Variants in PRKG1 observed in about 807,000 individuals in gnomAD.
PRKG1 encodes the protein cGMP-dependent protein kinase 1.
Under a neutral mutation model 88.1 loss-of-function variants are expected in PRKG1, and 35 were observed. The ratio of observed to expected loss-of-function variants is 0.40; its 90% CI spans 0.30 to 0.53. The LOEUF (loss-of-function observed/expected upper bound fraction) is 0.53. PRKG1 is among the 20% of genes least tolerant of loss of function. The probability of loss-of-function intolerance (pLI) is 0.59; values close to 1 mark genes in which losing one functional copy is unlikely to be tolerated. For missense variants in PRKG1, 540 were observed against 839.8 expected (o/e 0.64, Z 4.41); for synonymous variants, 303 against 292.5 (o/e 1.04, Z -0.37).
At chr10:52,293,030 A>G (rs996184068) in intron 17 of PRKG1, among the ~76,000 whole-genome samples, 32 of 152,082 alleles carry the variant, frequency 2.1e-4, no homozygotes, top group Admixed American at 5.9e-4. Context: ...TCAGCCCAAA[A>G]TCTCCTTAAG....
At chr10:52,141,823 A>G (rs1007929517) in intron 8 of PRKG1, among the ~76,000 whole-genome samples, 1 of 152,190 alleles carries the variant, frequency 6.6e-6, no homozygotes, top group African/African-American at 2.4e-5. Flanking sequence ...AAAAGGGAAC[A>G]TACAAACCAG....
At chr10:51,830,399 A>G (rs1839973624) in intron 4 of PRKG1, among the ~76,000 whole-genome samples, 2 of 152,118 alleles carry the variant, frequency 1.3e-5, no homozygotes, top group African/African-American at 4.8e-5. Flanking sequence ...CTTTAATTAT[A>G]TATGGTGTTC....
At chr10:51,659,806 A>T (rs1840250409) in intron 3 of PRKG1, among the ~76,000 whole-genome samples, 1 of 152,084 alleles carries the variant, frequency 6.6e-6, no homozygotes, top group African/African-American at 2.4e-5. Context: ...CCTGAATCCT[A>T]AGCTTTGTTA....
At chr10:51,049,057 T>A (rs1843526749) in intron 1 of PRKG1, among the ~76,000 whole-genome samples, 1 of 152,028 alleles carries the variant, frequency 6.6e-6, no homozygotes, top group African/African-American at 2.4e-5. Context: ...TCTGTGTAGA[T>A]GCATGCTGCC....
intron 3 of PRKG1, among the ~76,000 whole-genome samples, chr10:51,780,105 A>G (rs1838547351): frequency 6.6e-6 from 1 of 152,114 alleles, no homozygotes; most frequent in Non-Finnish European, 1.5e-5. Context: ...AGAAAAACTT[A>G]CCGCGTAATC....
chr10:52,293,449 G>T (rs150761684), intron 17 of PRKG1, among the ~76,000 whole-genome samples: 1 of 152,020 alleles, frequency 6.6e-6, no homozygotes, highest in Non-Finnish European at 1.5e-5. Flanking sequence ...AGCCTGCATC[G>T]CCAAGTCAAT....
At chr10:51,670,561 C>T (rs1367574985) in intron 3 of PRKG1, among the ~76,000 whole-genome samples, 1 of 149,042 alleles carries the variant, frequency 6.7e-6, no homozygotes, top group African/African-American at 2.4e-5. Flanking sequence ...ACGGTGAAAC[C>T]CCGTCTCTAC....
At chr10:51,797,129 G>A (rs909388442) in intron 3 of PRKG1, among the ~76,000 whole-genome samples, 1 of 151,168 alleles carries the variant, frequency 6.6e-6, no homozygotes, top group Non-Finnish European at 1.5e-5. Flanking sequence ...TGTCACCAGT[G>A]CCTGCTTATG....
chr10:51,053,588 T>C (rs939115579), intron 1 of PRKG1, among the ~76,000 whole-genome samples: 3 of 152,230 alleles, frequency 2.0e-5, no homozygotes, highest in Admixed American at 1.3e-4. Flanking sequence ...TAAGCTTTCT[T>C]TTCCTTTAGT....
intron 14 of PRKG1, among the ~76,000 whole-genome samples, chr10:52,284,340 C>T (rs535393346): frequency 4.5e-4 from 68 of 151,808 alleles, no homozygotes; most frequent in African/African-American, 1.3e-3. Flanking sequence ...ATATATATAT[C>T]GAAACATTAT....
At chr10:51,411,749 C>T (rs1838094877) in intron 2 of PRKG1, among the ~76,000 whole-genome samples, 1 of 152,116 alleles carries the variant, frequency 6.6e-6, no homozygotes, top group Non-Finnish European at 1.5e-5. Flanking sequence ...CAGAGCAAAG[C>T]CCTTCACCCA....
intron 5 of PRKG1, among the ~76,000 whole-genome samples, chr10:51,931,640 A>T (rs1392671494): frequency 6.6e-6 from 1 of 152,164 alleles, no homozygotes; most frequent in Non-Finnish European, 1.5e-5. Flanking sequence ...TGGGTAATAC[A>T]CCATTCTTAT....
At chr10:51,729,955 T>C (rs1019725485) in intron 3 of PRKG1, among the ~76,000 whole-genome samples, 1 of 152,094 alleles carries the variant, frequency 6.6e-6, no homozygotes, top group Admixed American at 6.5e-5. Context: ...CTTCCCCTGT[T>C]ATCAACCTCC....
At chr10:52,012,971 C>A (rs1403649803) in intron 5 of PRKG1, among the ~76,000 whole-genome samples, 4 of 152,106 alleles carry the variant, frequency 2.6e-5, no homozygotes, top group African/African-American at 4.8e-5. Flanking sequence ...AAAATAAATT[C>A]TCCAATGTCA....
intron 3 of PRKG1, among the ~76,000 whole-genome samples, chr10:51,503,253 T>C (rs1045721976): frequency 2.0e-5 from 3 of 152,158 alleles, no homozygotes; most frequent in African/African-American, 7.2e-5. Flanking sequence ...TTTTTATTTC[T>C]TTCAGTTCTT....
intron 4 of PRKG1, among the ~76,000 whole-genome samples, chr10:51,830,012 T>G (rs2132749626): frequency 6.6e-6 from 1 of 152,298 alleles, no homozygotes; most frequent in Middle Eastern, 3.4e-3. Context: ...ATTTCTATAG[T>G]TATGGTACCT....
At chr10:51,879,386 G>A (rs910394476) in intron 4 of PRKG1, among the ~76,000 whole-genome samples, 2 of 152,146 alleles carry the variant, frequency 1.3e-5, no homozygotes, top group African/African-American at 4.8e-5. Flanking sequence ...CTGGCCTCAA[G>A]TCTCTTACTA....
At position 52,083,929 on chromosome 10, in the gene PRKG1, T is replaced by A. The variant is rs1337853776; in HGVS notation, c.935+21298T>A. On this transcript the variant is annotated intron_variant, in intron 7 of 17. Transcript: ENST00000373980. ...CTAAAACGAAATCTTTTGTGGCTTA[T>A]TCTCTTCTATCTGGGCAGAATTTTA... Among the ~76,000 whole-genome samples, 3 of 152,082 alleles carry A rather than the reference T, an allele frequency of 2.0e-5. No homozygotes were observed. In the East Asian group the frequency reaches 5.8e-4, roughly 29 times the overall value.
At chr10:51,545,826 A>G (rs1475038091) in intron 3 of PRKG1, among the ~76,000 whole-genome samples, 2 of 152,070 alleles carry the variant, frequency 1.3e-5, no homozygotes, top group East Asian at 3.9e-4. Flanking sequence ...GAATGACTTC[A>G]TAATGATTTT....
Sources: allele counts gnomAD v4.1 joint callset (sites outside exome capture counted in the v4.1 genomes callset), GRCh38; gene constraint gnomAD v4.1.1; transcripts MANE v1.5; gene names NCBI Gene and HGNC (gene_info 2026-07-23, HGNC 2026-07-21).